Variants in SCAMP1 observed in about 807,000 individuals in gnomAD.
SCAMP1 encodes the protein secretory carrier-associated membrane protein 1.
A neutral mutation model predicts 41.8 loss-of-function variants in SCAMP1; 15 were observed. The observed-to-expected ratio is 0.36, with a 90% CI of 0.24 to 0.55. SCAMP1 has a LOEUF of 0.55. SCAMP1 is among the 20% of genes least tolerant of loss of function. The pLI is 0.86. For missense variants in SCAMP1, 341 were observed against 412.6 expected (o/e 0.83, Z 1.50); for synonymous variants, 135 against 136.8 (o/e 0.99, Z 0.09).
intron 2 of SCAMP1, among the ~76,000 whole-genome samples, chr5:78,393,933 A>G (rs1413342994): frequency 6.6e-6 from 1 of 152,192 alleles, no homozygotes. Flanking sequence ...GGTAAGGGAT[A>G]GGGACACCTG....
At chr5:78,397,948 G>A (rs1398879460) in intron 2 of SCAMP1, among the ~76,000 whole-genome samples, 1 of 152,230 alleles carries the variant, frequency 6.6e-6, no homozygotes, top group Non-Finnish European at 1.5e-5. Flanking sequence ...TCAGGCAATA[G>A]CGAGTATTGG....
intron 2 of SCAMP1, among the ~76,000 whole-genome samples, chr5:78,400,810 GTTTCTTCTTAATCT>G (rs1278185489): frequency 6.6e-6 from 1 of 152,030 alleles, no homozygotes; most frequent in African/African-American, 2.4e-5. Context: ...AGTCTTATTT[GTTTCTTCTTAATCT>G]TCATACCTTT....
Position 78,419,163 on chromosome 5 carries a change from T to C in SCAMP1, c.472+260T>C, listed in dbSNP as rs114477409. 6.8e-3 allele frequency among the ~76,000 whole-genome samples: 1,039 copies of C among 152,274 alleles called. 8 individuals are homozygous for C. The highest frequency in any genetic ancestry group is 0.024 in the African/African-American group (985 of 41,550). ...TGAGGAAAAGACAACTTCTCTGTCA[T>C]GTGGGTAAAATTTTATAAGATTCTT... On this transcript the variant is annotated intron_variant, in intron 5 of 8. Transcript: ENST00000621999.
intron 6 of SCAMP1, among the ~76,000 whole-genome samples, chr5:78,434,335 G>A (rs544717003): frequency 6.6e-6 from 1 of 152,200 alleles, no homozygotes; most frequent in African/African-American, 2.4e-5. Flanking sequence ...TTTTGGGGTT[G>A]TTTGCCCTTT....
At chr5:78,377,264 C>T (rs1388792858) in intron 1 of SCAMP1, among the ~76,000 whole-genome samples, 2 of 152,126 alleles carry the variant, frequency 1.3e-5, no homozygotes, top group Non-Finnish European at 2.9e-5. Flanking sequence ...TTGCTGTTCC[C>T]CTCAGATGCT....
intron 8 of SCAMP1, among the ~76,000 whole-genome samples, chr5:78,460,799 TCCTTCCTCCCTTCCTTCCTTC>T (rs1753578847): frequency 2.2e-5 from 1 of 45,038 alleles, no homozygotes; most frequent in Admixed American, 1.9e-4. Flanking sequence ...CTTCCTTCCT[TCCTTCCTCCCTTCCTTCCTTC>T]CTTTCTTGTC....
chr5:78,460,827 T>TTCTTTCCTTCCTTCCTTCC (rs1452759614), intron 8 of SCAMP1, among the ~76,000 whole-genome samples: 1 of 47,594 alleles, frequency 2.1e-5, no homozygotes, highest in African/African-American at 6.8e-5. Flanking sequence ...CTTCCTTTCT[T>TTCTTTCCTTCCTTCCTTCC]GTCTTTCCTC....
At chr5:78,456,984 T>TA (rs1753424325) in intron 7 of SCAMP1, among the ~76,000 whole-genome samples, 1 of 134,132 alleles carries the variant, frequency 7.5e-6, no homozygotes, top group Admixed American at 7.2e-5. Flanking sequence ...CATGGGCTCC[T>TA]GAGGCTTCTG....
At chr5:78,397,497 A>G (rs1393654987) in intron 2 of SCAMP1, among the ~76,000 whole-genome samples, 1 of 152,228 alleles carries the variant, frequency 6.6e-6, no homozygotes, top group African/African-American at 2.4e-5. Context: ...AAAATTTAAA[A>G]CTTTTTGTCC....
In SCAMP1 at chr5:78,437,682, G is replaced by A. The variant is rs140403479; in HGVS notation, c.633-12251G>A. On this transcript the variant is annotated intron_variant, in intron 6 of 8. Coordinates refer to ENST00000621999, the MANE Select transcript of SCAMP1 (RefSeq NM_004866.6). ...TATTGGTCTAAAATTCTCTTTTTTT[G>A]TGTGTATCTCTGCCAGGCTTTGGTG... Among the ~76,000 whole-genome samples the A allele has an allele frequency of 4.5e-4, 68 of 152,140 alleles. 1 individual carries two copies. Among genetic ancestry groups the A allele is most frequent in the African/African-American group, 1.6e-3 (65 of 41,510 alleles).
chr5:78,369,876 C>T (rs958258989), intron 1 of SCAMP1, among the ~76,000 whole-genome samples: 6 of 152,222 alleles, frequency 3.9e-5, no homozygotes, highest in African/African-American at 1.4e-4. Flanking sequence ...TGATCATGTC[C>T]TCTAGGGTGT....
intron 6 of SCAMP1, 132 bp downstream of exon 6, chr5:78,422,092 A>G: frequency 2.8e-6 from 2 of 711,010 alleles, no homozygotes; most frequent in Non-Finnish European, 4.5e-6. Context: ...ACCTTCAGGA[A>G]AGTTCAATAT....
chr5:78,441,751 C>A (rs1202821004), intron 6 of SCAMP1, among the ~76,000 whole-genome samples: 1 of 152,176 alleles, frequency 6.6e-6, no homozygotes, highest in African/African-American at 2.4e-5. Context: ...TTGCCTGAAC[C>A]TGGGAGGCGG....
chr5:78,436,186 C>T lies in SCAMP1; in HGVS notation c.633-13747C>T, dbSNP rs137980741. ...CATTCTGTAAGTTGCCTGGTGACTCCGATGGTAGTTTCTTTTGCCATGCAG... is the reference window on the plus strand; with the variant it reads ...CATTCTGTAAGTTGCCTGGTGACTCTGATGGTAGTTTCTTTTGCCATGCAG... On this transcript the variant is annotated intron_variant, in intron 6 of 8. Transcript: ENST00000621999. Among the ~76,000 whole-genome samples the T allele has an allele frequency of 8.9e-3, 1,355 of 152,066 alleles. 16 individuals are homozygous for T. The highest frequency in any genetic ancestry group is 0.031 in the African/African-American group (1,273 of 41,484).
rs923768073 is a variant in SCAMP1, at chr5:78,477,938, C to G, written c.*2270C>G. 2.0e-4 allele frequency: 31 copies of G among 152,174 alleles called. No individual in the cohort carries two copies. The highest frequency in any genetic ancestry group is 7.5e-4 in the African/African-American group (31 of 41,532). The allele number at this position is 152,174 out of a possible 1,614,324, so 9.4% of individuals were successfully genotyped here. On this transcript the variant is annotated 3_prime_UTR_variant, in exon 9 of 9. Coordinates refer to ENST00000621999, the MANE Select transcript of SCAMP1 (RefSeq NM_004866.6). Reference sequence around the variant, plus strand: ...AGTGTTCTATATTTAGTACTAAAATCACAGTCATGAAATCATAGTCATAAA... The same window carrying G: ...AGTGTTCTATATTTAGTACTAAAATGACAGTCATGAAATCATAGTCATAAA...
At chr5:78,421,465 C>G (rs189693520) in intron 5 of SCAMP1, among the ~76,000 whole-genome samples, 1 of 152,256 alleles carries the variant, frequency 6.6e-6, no homozygotes, top group African/African-American at 2.4e-5. Flanking sequence ...TGCTTTTCTT[C>G]TTGGGCTTCA....
At chr5:78,415,730 A>T in intron 3 of SCAMP1, 112 bp downstream of exon 3, 2 of 690,576 alleles carry the variant, frequency 2.9e-6, no homozygotes, top group South Asian at 4.2e-5. Flanking sequence ...CTTAATTTTT[A>T]ACTCACTTTC....
chr5:78,415,212 C>T lies in SCAMP1; in HGVS notation c.136-308C>T, dbSNP rs574053118. Among the ~76,000 whole-genome samples, 33 of 152,268 alleles carry T rather than the reference C, an allele frequency of 2.2e-4. No homozygotes were observed. The Middle Eastern group carries it at 0.01, about 47-fold the overall frequency. The stretch of plus-strand genomic sequence containing the variant: ...AGGTGATCTACACGCCTTGGCCTCC[C>T]AAAGTGCTGGGATTACAGGCATGAG... On this transcript the variant is annotated intron_variant, in intron 2 of 8. Transcript: ENST00000621999.
At chr5:78,443,759 A>G (rs973816553) in intron 6 of SCAMP1, among the ~76,000 whole-genome samples, 1 of 148,230 alleles carries the variant, frequency 6.7e-6, no homozygotes, top group Non-Finnish European at 1.5e-5. Flanking sequence ...TCCAGGCTCA[A>G]ATGATCCTCC....
Sources: gnomAD v4.1 joint callset for allele counts (sites outside exome capture counted in the v4.1 genomes callset) on GRCh38, gnomAD v4.1.1 for gene constraint, MANE v1.5 for transcripts, NCBI Gene and HGNC (gene_info 2026-07-23, HGNC 2026-07-21) for gene names.